The following DDX19A variants were observed in gnomAD, a reference collection of about 807,000 sequenced individuals.
DDX19A encodes ATP-dependent RNA helicase DDX19A.
A neutral mutation model predicts 60.6 loss-of-function variants in DDX19A; 12 were observed. The observed-to-expected ratio is 0.20, with a 90% CI of 0.13 to 0.32. The LOEUF (loss-of-function observed/expected upper bound fraction) is 0.32. Among genes scored for constraint, DDX19A ranks in the 10% least tolerant of loss-of-function variants. The pLI is 1.00. For synonymous variants in DDX19A, 206 were observed against 218.2 expected, an observed-to-expected ratio of 0.94 and a Z score of 0.49; for missense variants, 337 against 600.6, an observed-to-expected ratio of 0.56 and a Z score of 4.59.
rs994461501 is a variant in DDX19A, at chr16:70,361,714, G to T, written c.386+204G>T. ...TTAACAATAGAAACTTATAGAGAAA[G>T]GTAGTGCTTTATTCCATGCTATCTT... On this transcript the variant is annotated intron_variant, in intron 5 of 11. Coordinates refer to ENST00000302243, the MANE Select transcript of DDX19A (RefSeq NM_018332.5). The T allele has an allele frequency of 1.5e-5, 8 of 516,674 alleles. 1 individual carries two copies. The South Asian group carries it at 2.0e-4, about 13-fold the overall frequency. 32.0% of individuals were successfully genotyped at this position (516,674 alleles called of 1,614,324 possible).
intron 10 of DDX19A, chr16:70,370,635 G>T (rs951571644): frequency 3.2e-5 from 15 of 466,088 alleles, no homozygotes; most frequent in Non-Finnish European, 5.5e-5. Flanking sequence ...GACAGAGGTT[G>T]CAGTGAGCCG....
At chr16:70,364,457 A>C (rs1964459299) in intron 5 of DDX19A, 86 bp from the exon 6 acceptor site, 1 of 1,029,722 alleles carries the variant, frequency 9.7e-7, no homozygotes, top group South Asian at 1.4e-5. Context: ...CGAAGGGGGA[A>C]ATATGCCTTT....
At chr16:70,367,623 A>T (rs1964558594) in intron 9 of DDX19A, among the ~76,000 whole-genome samples, 2 of 152,224 alleles carry the variant, frequency 1.3e-5, no homozygotes, top group East Asian at 3.8e-4. Flanking sequence ...CATGCCTGTA[A>T]TCCCAGCACT....
chr16:70,365,535 C>A, intron 7 of DDX19A: 1 of 188,554 alleles, frequency 5.3e-6, no homozygotes, highest in Non-Finnish European at 1.1e-5. Context: ...ACCTGCAATC[C>A]CAGCCCTTTG....
At chr16:70,357,554 T>G (rs990946284) in intron 4 of DDX19A, among the ~76,000 whole-genome samples, 3 of 151,212 alleles carry the variant, frequency 2.0e-5, no homozygotes, top group Non-Finnish European at 4.4e-5. Context: ...CCCAGCTAAT[T>G]TTTGTATTTT....
intron 4 of DDX19A, chr16:70,360,772 T>G (rs1405470722): frequency 2.6e-5 from 4 of 152,414 alleles, no homozygotes; most frequent in South Asian, 2.1e-4. Flanking sequence ...TATTATTTAC[T>G]TTAGAGTCCC....
intron 6 of DDX19A, 147 bp downstream of exon 6, chr16:70,364,792 G>A (rs1413332361): frequency 5.8e-6 from 4 of 694,486 alleles, no homozygotes; most frequent in Non-Finnish European, 9.8e-6. Context: ...CCCTGACCTG[G>A]GAGAATGTGC....
At chr16:70,371,066 T>G (rs1964670492) in intron 10 of DDX19A, 2 of 509,132 alleles carry the variant, frequency 3.9e-6, no homozygotes, top group Non-Finnish European at 7.0e-6. Context: ...TGGAAGGAAA[T>G]GTACAGGCAT....
chr16:70,355,511 G>A lies in DDX19A; in HGVS notation c.133G>A (p.Glu45Lys), dbSNP rs1214795643. 16 of 1,613,816 alleles carry A rather than the reference G, an allele frequency of 9.9e-6. No homozygotes were observed. Among genetic ancestry groups the A allele is most frequent in the South Asian group, 4.4e-5 (4 of 91,080 alleles). Residue 45 changes from glutamate to lysine, a missense_variant, in exon 3 of 12, where the codon GAG (glutamate) becomes AAG (lysine). Coordinates refer to ENST00000302243, the MANE Select transcript of DDX19A (RefSeq NM_018332.5). ...TATTATCAAAACCAGTACCACTGCC[G>A]AGAAAACAGATGAAGAGGAGAAAGG... Reference protein sequence around the residue: ...NGIIKTSTTAEKTDEEEKEDR... With the variant: ...NGIIKTSTTAKKTDEEEKEDR...
At position 70,366,605 on chromosome 16, in the gene DDX19A, C is replaced by T. The variant is rs1395599527; in HGVS notation, c.783-19C>T. 2 of 1,614,064 alleles carry T rather than the reference C, an allele frequency of 1.2e-6. No homozygotes were observed. Among genetic ancestry groups the T allele is most frequent in the Non-Finnish European group, 1.7e-6 (2 of 1,179,956 alleles). On this transcript the variant is annotated intron_variant, in intron 8 of 11. Transcript: ENST00000302243. ...TCCCAGGGCCACCTGGGGCCATCTA[C>T]CCGGGCCTTCCCTTGCAGGATGCTG... is the stretch of plus-strand genomic sequence containing the variant.
At chr16:70,361,312 CAG>C (rs1460135067) in intron 4 of DDX19A, 104 bp from the exon 5 acceptor site, 2 of 866,146 alleles carry the variant, frequency 2.3e-6, no homozygotes, top group African/African-American at 1.7e-5. Context: ...ATACGTCTGA[CAG>C]AGGTAGGAGG....
chr16:70,357,413 C>T (rs867468828), intron 4 of DDX19A, among the ~76,000 whole-genome samples: 4 of 77,032 alleles, frequency 5.2e-5, no homozygotes, highest in African/African-American at 2.3e-4. Context: ...GAGACCAAGT[C>T]GTGCTCTGTT....
intron 2 of DDX19A, among the ~76,000 whole-genome samples, chr16:70,354,250 A>T (rs1964118224): frequency 6.6e-6 from 1 of 151,482 alleles, no homozygotes; most frequent in Admixed American, 6.6e-5. Context: ...GGTTCAAGCG[A>T]TTCTCCTGCC....
At position 70,366,724 on chromosome 16, in the gene DDX19A, A is replaced by C; in HGVS notation, c.883A>C (p.Lys295Gln). ...AGTGGTCCCAGACCCAAATGTTATC[A>C]AACTGAAGCGTGAGGAAGAGACCCT... is the stretch of plus-strand genomic sequence containing the variant. ...QKVVPDPNVI[K>Q]LKREEETLDT... Residue 295 changes from lysine (K) to glutamine (Q), a missense_variant, in exon 9 of 12, where the codon AAA (lysine) becomes CAA (glutamine). Transcript: ENST00000302243. 6.2e-7 allele frequency: 1 copy of C among 1,614,224 alleles called. No homozygotes were observed.
chr16:70,356,002 C>G, intron 3 of DDX19A, 110 bp from the exon 4 acceptor site: 1 of 1,402,350 alleles, frequency 7.1e-7, no homozygotes. Context: ...TGGTTTTTCT[C>G]CAGCCGTGCT....
chr16:70,356,617 C>A (rs945513262), intron 4 of DDX19A, among the ~76,000 whole-genome samples: 1 of 152,016 alleles, frequency 6.6e-6, no homozygotes, highest in Non-Finnish European at 1.5e-5. Flanking sequence ...CTCGGCCTCT[C>A]AAGGTGCTGG....
chr16:70,367,759 C>T (rs1028270459), intron 9 of DDX19A, among the ~76,000 whole-genome samples: 2 of 152,042 alleles, frequency 1.3e-5, no homozygotes, highest in Non-Finnish European at 2.9e-5. Context: ...TGCCTGTAAT[C>T]CCAGCTACTC....
chr16:70,354,295 C>G (rs968916272), intron 2 of DDX19A, among the ~76,000 whole-genome samples: 1 of 152,066 alleles, frequency 6.6e-6, no homozygotes, highest in African/African-American at 2.4e-5. Context: ...TACAGGCATG[C>G]GCCACCACAC....
At chr16:70,364,412 C>T in intron 5 of DDX19A, 131 bp from the exon 6 acceptor site, 1 of 645,430 alleles carries the variant, frequency 1.5e-6, no homozygotes, top group South Asian at 2.0e-5. Flanking sequence ...GTAATTTGTG[C>T]TCAATGGAGA....
Sources: gnomAD v4.1 joint callset for allele counts (sites outside exome capture counted in the v4.1 genomes callset) on GRCh38, gnomAD v4.1.1 for gene constraint, MANE v1.5 for transcripts, NCBI Gene and HGNC (gene_info 2026-07-23, HGNC 2026-07-21) for gene names.